Variants in MAD1L1 observed in about 807,000 individuals in gnomAD.
MAD1L1 encodes the protein mitotic spindle assembly checkpoint protein MAD1.
Under a neutral mutation model 96.9 loss-of-function variants are expected in MAD1L1, and 95 were observed. The ratio of observed to expected loss-of-function variants is 0.98; its 90% CI spans 0.83 to 1.16. MAD1L1 has a LOEUF of 1.16. Among genes scored for constraint, MAD1L1 ranks in the 50% most tolerant of loss-of-function variants. MAD1L1 has a pLI of 0.00. For synonymous variants in MAD1L1, 473 were observed against 396.6 expected (o/e 1.19, Z -2.29); for missense variants, 1,007 against 954.4 (o/e 1.06, Z -0.73).
intron 17 of MAD1L1, among the ~76,000 whole-genome samples, chr7:1,899,391 C>T (rs867154841): frequency 3.3e-5 from 5 of 152,120 alleles, no homozygotes; most frequent in Non-Finnish European, 5.9e-5. Flanking sequence ...CTGCTCCAGG[C>T]GGGGACGGGA....
intron 11 of MAD1L1, among the ~76,000 whole-genome samples, chr7:2,140,315 C>A (rs1269393370): frequency 6.6e-6 from 1 of 152,228 alleles, no homozygotes; most frequent in Admixed American, 6.5e-5. Flanking sequence ...CCCGTCCGCC[C>A]TGCACATGTT....
At chr7:1,899,399 G>C (rs1787102280) in intron 17 of MAD1L1, among the ~76,000 whole-genome samples, 1 of 152,164 alleles carries the variant, frequency 6.6e-6, no homozygotes. Flanking sequence ...GGCGGGGACG[G>C]GAGCCTGCTG....
chr7:1,864,453 C>G (rs1384975300), intron 18 of MAD1L1, among the ~76,000 whole-genome samples: 1 of 152,224 alleles, frequency 6.6e-6, no homozygotes, highest in Non-Finnish European at 1.5e-5. Context: ...GGTCATTATC[C>G]AAATTGCTTC....
intron 12 of MAD1L1, among the ~76,000 whole-genome samples, chr7:2,051,486 C>T (rs542157122): frequency 4.5e-3 from 680 of 152,244 alleles, no homozygotes; most frequent in Non-Finnish European, 7.6e-3. Flanking sequence ...GGAAGAGCCA[C>T]GTGGCTCAGC....
intron 17 of MAD1L1, among the ~76,000 whole-genome samples, chr7:1,935,251 G>C (rs550795471): frequency 6.6e-6 from 1 of 152,238 alleles, no homozygotes; most frequent in South Asian, 2.1e-4. Context: ...AGGGAGCCAC[G>C]GCTGGACCAG....
At chr7:2,055,886 G>A (rs1784369925) in intron 12 of MAD1L1, among the ~76,000 whole-genome samples, 2 of 152,172 alleles carry the variant, frequency 1.3e-5, no homozygotes, top group African/African-American at 4.8e-5. Flanking sequence ...GGCTGAGGCT[G>A]GAGAATCGCT....
chr7:2,002,464 C>T (rs981503333), intron 13 of MAD1L1, among the ~76,000 whole-genome samples: 6 of 152,148 alleles, frequency 3.9e-5, no homozygotes, highest in Admixed American at 6.5e-5. Context: ...TGGGGAGAGA[C>T]GGAGGGAAAG....
chr7:2,125,903 G>C (rs1234645079), intron 11 of MAD1L1, among the ~76,000 whole-genome samples: 2 of 152,272 alleles, frequency 1.3e-5, no homozygotes, highest in South Asian at 2.1e-4. Context: ...CGTTGAGCCA[G>C]CACTGGCATC....
At chr7:1,885,646 A>G (rs1393382129) in intron 18 of MAD1L1, among the ~76,000 whole-genome samples, 1 of 151,950 alleles carries the variant, frequency 6.6e-6, no homozygotes, top group Non-Finnish European at 1.5e-5. Context: ...AGTTCCGTCC[A>G]CCTCTGGCTA....
At chr7:1,915,516 T>C (rs4421257) in intron 17 of MAD1L1, among the ~76,000 whole-genome samples, 60,168 of 152,046 alleles carry the variant, frequency 0.4, 11,908 homozygotes, top group East Asian at 0.46. Flanking sequence ...GGGACGTACG[T>C]GGAGCGGTGT....
At chr7:2,220,273 C>T (rs201047698) in intron 5 of MAD1L1, among the ~76,000 whole-genome samples, 76 of 152,278 alleles carry the variant, frequency 5.0e-4, no homozygotes, top group African/African-American at 1.7e-3. Context: ...GCCAGCAGCC[C>T]CTCTGGCAGC....
chr7:1,854,452 G>A (rs1425516589), intron 18 of MAD1L1: 1 of 445,198 alleles, frequency 2.2e-6, no homozygotes, highest in East Asian at 7.1e-5. Context: ...GAGGCCACAA[G>A]GGCAGGGTAA....
At chr7:2,008,506 T>C (rs1782138242) in intron 13 of MAD1L1, among the ~76,000 whole-genome samples, 1 of 152,200 alleles carries the variant, frequency 6.6e-6, no homozygotes, top group African/African-American at 2.4e-5. Context: ...TCAGGTTGGC[T>C]CCGCAAGGCA....
intron 18 of MAD1L1, among the ~76,000 whole-genome samples, chr7:1,878,742 C>G (rs200021220): frequency 2.8e-5 from 4 of 142,750 alleles, no homozygotes; most frequent in African/African-American, 5.1e-5. Context: ...CCCCCCCCCC[C>G]CATTCTTATT....
chr7:1,822,523 C>T (rs1782182117), intron 18 of MAD1L1, among the ~76,000 whole-genome samples: 1 of 150,294 alleles, frequency 6.7e-6, no homozygotes, highest in Non-Finnish European at 1.5e-5. Flanking sequence ...CTCACTGCAG[C>T]CTCAGGCAAT....
At chr7:2,050,405 A>G (rs1784118111) in intron 12 of MAD1L1, among the ~76,000 whole-genome samples, 1 of 149,390 alleles carries the variant, frequency 6.7e-6, no homozygotes, top group Admixed American at 6.7e-5. Context: ...AGACGGAAGC[A>G]CCAGGCTGAG....
chr7:1,974,881 G>T (rs897789465), intron 15 of MAD1L1, among the ~76,000 whole-genome samples: 1 of 152,256 alleles, frequency 6.6e-6, no homozygotes, highest in Non-Finnish European at 1.5e-5. Flanking sequence ...AGGTGGGCAG[G>T]CTTTCGGAGA....
Position 1,855,320 on chromosome 7 carries a change from C to G in MAD1L1, c.1999-39092G>C, listed in dbSNP as rs114410469. On this transcript the variant is annotated intron_variant, in intron 18 of 18. Transcript: ENST00000265854. ...CTAGGGTTCTCTCCCTAGGGTTGCTCTCGTTTTCTCCAGCAGCGATGACAG... is the reference window on the plus strand; with the variant it reads ...CTAGGGTTCTCTCCCTAGGGTTGCTGTCGTTTTCTCCAGCAGCGATGACAG... Among the ~76,000 whole-genome samples, 943 of 152,100 alleles carry G rather than the reference C, an allele frequency of 6.2e-3. 9 individuals carry two copies. Among genetic ancestry groups the G allele is most frequent in the African/African-American group, 0.022 (893 of 41,502 alleles).
intron 18 of MAD1L1, among the ~76,000 whole-genome samples, chr7:1,835,203 G>A (rs1395000894): frequency 6.6e-6 from 1 of 152,088 alleles, no homozygotes; most frequent in Admixed American, 6.5e-5. Context: ...GACGTACAGA[G>A]AATACCACAC....
Sources: gnomAD v4.1 joint callset for allele counts (sites outside exome capture counted in the v4.1 genomes callset) on GRCh38, gnomAD v4.1.1 for gene constraint, MANE v1.5 for transcripts, NCBI Gene and HGNC (gene_info 2026-07-23, HGNC 2026-07-21) for gene names.